Variants in UBAP2L observed in about 807,000 individuals in gnomAD.
The protein encoded by UBAP2L is ubiquitin associated protein 2 like, also known as ubiquitin-associated protein 2-like.
UBAP2L carries 12 observed loss-of-function variants against 130.6 expected under a neutral mutation model. The observed-to-expected ratio is 0.09, with a 90% CI of 0.06 to 0.15. UBAP2L has a LOEUF of 0.15. UBAP2L is among the 10% of genes least tolerant of loss of function. UBAP2L has a pLI of 1.00. For synonymous variants in UBAP2L, 503 were observed against 524.7 expected, an observed-to-expected ratio of 0.96 and a Z score of 0.57; for missense variants, 965 against 1,332.5, an observed-to-expected ratio of 0.72 and a Z score of 4.29.
intron 8 of UBAP2L, among the ~76,000 whole-genome samples, chr1:154,238,022 A>G (rs1672250063): frequency 6.6e-6 from 1 of 152,162 alleles, no homozygotes; most frequent in South Asian, 2.1e-4. Flanking sequence ...GGGGATGAGT[A>G]GGGCCTGAAA....
At chr1:154,220,420 T>C (rs767502435), upstream of UBAP2L, 1 of 1,614,136 alleles carries the variant, frequency 6.2e-7, no homozygotes, top group South Asian at 1.1e-5. Context: ...CCTCCCTACC[T>C]CGCGCAGAAT....
intron 14 of UBAP2L, among the ~76,000 whole-genome samples, chr1:154,252,391 C>T (rs1678002249): frequency 6.6e-6 from 1 of 151,176 alleles, no homozygotes; most frequent in Non-Finnish European, 1.5e-5. Context: ...AGCAATTCTC[C>T]TGCCTCAGCT....
intron 10 of UBAP2L, among the ~76,000 whole-genome samples, chr1:154,244,904 G>A (rs1271093216): frequency 2.0e-5 from 3 of 152,096 alleles, no homozygotes; most frequent in Non-Finnish European, 2.9e-5. Context: ...GTGGGATTGG[G>A]AGGGGCTTCT....
intron 23 of UBAP2L, 75 bp downstream of exon 23, chr1:154,261,184 G>T: frequency 6.8e-7 from 1 of 1,464,560 alleles, no homozygotes; most frequent in Non-Finnish European, 9.2e-7. Context: ...GCTTTTAAGG[G>T]TCAATGACTT....
chr1:154,249,713 A>T (rs1156896506), intron 12 of UBAP2L, among the ~76,000 whole-genome samples: 2 of 152,080 alleles, frequency 1.3e-5, no homozygotes, highest in African/African-American at 4.8e-5. Flanking sequence ...AAGTGGGAGG[A>T]CAGCCTGAGC....
chr1:154,222,807 TTTG>T (rs1666714755), intron 1 of UBAP2L, among the ~76,000 whole-genome samples: 1 of 152,212 alleles, frequency 6.6e-6, no homozygotes, highest in Admixed American at 6.5e-5. Context: ...TCAATAAATA[TTTG>T]TTATTTAGTT....
chr1:154,244,824 A>G (rs1410733714), intron 10 of UBAP2L, among the ~76,000 whole-genome samples: 2 of 152,168 alleles, frequency 1.3e-5, no homozygotes. Flanking sequence ...TTACCTAGGC[A>G]TGATTGATTA....
intron 14 of UBAP2L, among the ~76,000 whole-genome samples, chr1:154,251,974 A>T (rs1354244312): frequency 6.6e-6 from 1 of 151,884 alleles, no homozygotes; most frequent in Non-Finnish European, 1.5e-5. Context: ...CTGTCTCTAC[A>T]AAAAAAATTT....
intron 20 of UBAP2L, among the ~76,000 whole-genome samples, chr1:154,258,176 G>A (rs894745079): frequency 1.3e-5 from 2 of 152,228 alleles, no homozygotes; most frequent in South Asian, 4.1e-4. Context: ...TTCCTATGTT[G>A]CCTAGGCTGG....
chr1:154,242,227 T>C (rs945202275), intron 9 of UBAP2L, among the ~76,000 whole-genome samples: 1 of 152,238 alleles, frequency 6.6e-6, no homozygotes, highest in Non-Finnish European at 1.5e-5. Context: ...CTGTGAATTA[T>C]GGTTTTCAGT....
At chr1:154,238,575 A>AG (rs1672431596) in intron 8 of UBAP2L, among the ~76,000 whole-genome samples, 1 of 152,052 alleles carries the variant, frequency 6.6e-6, no homozygotes, top group African/African-American at 2.4e-5. Flanking sequence ...AAACAGCGAA[A>AG]GGTAGTGTGT....
At chr1:154,255,404 C>A in intron 17 of UBAP2L, 78 bp downstream of exon 17, 1 of 1,545,588 alleles carries the variant, frequency 6.5e-7, no homozygotes, top group South Asian at 1.2e-5. Context: ...ACTCCCTTGA[C>A]CTGGCAGAGA....
intron 12 of UBAP2L, among the ~76,000 whole-genome samples, chr1:154,250,759 A>G (rs564708355): frequency 6.6e-6 from 1 of 150,400 alleles, no homozygotes; most frequent in Non-Finnish European, 1.5e-5. Flanking sequence ...AGGCAAGAGA[A>G]TTGCTTTAAC....
At chr1:154,233,506 G>T (rs1383405104) in intron 4 of UBAP2L, among the ~76,000 whole-genome samples, 1 of 151,194 alleles carries the variant, frequency 6.6e-6, no homozygotes, top group Non-Finnish European at 1.5e-5. Context: ...TGTATTTTTA[G>T]TAGAGACGGG....
chr1:154,271,437 AC>A (rs1461681226), downstream of UBAP2L: 1 of 152,294 alleles, frequency 6.6e-6, no homozygotes, highest in East Asian at 1.9e-4. Context: ...GTAACCAAAC[AC>A]CACCTGTACC....
chr1:154,267,070 C>T (rs1335788561), intron 25 of UBAP2L, among the ~76,000 whole-genome samples: 4 of 151,386 alleles, frequency 2.6e-5, no homozygotes, highest in African/African-American at 7.3e-5. Flanking sequence ...CACTGGGGGT[C>T]TGGGGGGGCA....
intron 24 of UBAP2L, among the ~76,000 whole-genome samples, chr1:154,265,171 G>A (rs1416615622): frequency 6.6e-6 from 1 of 152,162 alleles, no homozygotes. Context: ...AGGTTTTCCA[G>A]ATTAAGATAC....
intron 4 of UBAP2L, among the ~76,000 whole-genome samples, chr1:154,231,849 C>A (rs1345332960): frequency 6.6e-6 from 1 of 152,140 alleles, no homozygotes; most frequent in Non-Finnish European, 1.5e-5. Flanking sequence ...ATACTTGATA[C>A]CCTTAAGTTC....
intron 20 of UBAP2L, 88 bp from the exon 21 acceptor site, chr1:154,258,889 G>A: frequency 1.9e-6 from 2 of 1,066,480 alleles, no homozygotes; most frequent in Non-Finnish European, 2.9e-6. Context: ...GAGGATGAAT[G>A]TTCTGTTGAA....
Sources: gnomAD v4.1 joint callset for allele counts (sites outside exome capture counted in the v4.1 genomes callset) on GRCh38, gnomAD v4.1.1 for gene constraint, MANE v1.5 for transcripts, NCBI Gene and HGNC (gene_info 2026-07-23, HGNC 2026-07-21) for gene names.